GOLGA7B: variants seen among roughly 807,000 people sequenced by gnomAD.
The protein encoded by GOLGA7B is golgin subfamily A member 7B.
A neutral mutation model predicts 21.5 loss-of-function variants in GOLGA7B; 17 were observed. The ratio of observed to expected loss-of-function variants is 0.79; its 90% CI spans 0.54 to 1.19. The LOEUF (loss-of-function observed/expected upper bound fraction) is 1.19, where lower values mean the gene tolerates loss of function less well. Among genes scored for constraint, GOLGA7B ranks in the 50% most tolerant of loss-of-function variants. The pLI, the probability that GOLGA7B is intolerant of heterozygous loss-of-function variation, is 0.00. For missense variants in GOLGA7B, 169 were observed against 224.4 expected (o/e 0.75, Z 1.58); for synonymous variants, 87 against 84.0 (o/e 1.04, Z -0.19).
chr10:97,859,103 G>T (rs945998607), intron 1 of GOLGA7B, among the ~76,000 whole-genome samples: 1 of 152,224 alleles, frequency 6.6e-6, no homozygotes, highest in Non-Finnish European at 1.5e-5. Context: ...ACCCAGGCTG[G>T]AGTGCAGTGG....
chr10:97,857,757 T>C (rs1187975939), intron 1 of GOLGA7B, among the ~76,000 whole-genome samples: 2 of 152,270 alleles, frequency 1.3e-5, no homozygotes, highest in Admixed American at 1.3e-4. Context: ...TACGAGGCTA[T>C]AATAACCAAA....
chr10:97,854,772 TA>T (rs772542289), intron 1 of GOLGA7B, among the ~76,000 whole-genome samples: 4 of 152,180 alleles, frequency 2.6e-5, no homozygotes, highest in Non-Finnish European at 5.9e-5. Flanking sequence ...CTTAATGTAT[TA>T]ATAGCTTAAT....
chr10:97,859,113 G>A (rs2049954710), intron 1 of GOLGA7B, among the ~76,000 whole-genome samples: 1 of 152,224 alleles, frequency 6.6e-6, no homozygotes, highest in Non-Finnish European at 1.5e-5. Flanking sequence ...GAGTGCAGTG[G>A]TGCAATCACA....
At chr10:97,856,047 A>G (rs986988427) in intron 1 of GOLGA7B, among the ~76,000 whole-genome samples, 1 of 152,106 alleles carries the variant, frequency 6.6e-6, no homozygotes, top group Admixed American at 6.5e-5. Flanking sequence ...TTTCCTAGTT[A>G]TTTATTATTT....
chr10:97,870,443 G>A lies in GOLGA7B; in HGVS notation c.*4743G>A, dbSNP rs918897159. The A allele has an allele frequency of 6.6e-6, 1 of 152,128 alleles. No homozygotes were observed. Among genetic ancestry groups the A allele is most frequent in the African/African-American group, 2.4e-5 (1 of 41,408 alleles). The allele number at this position is 152,128 out of a possible 1,614,324, so 9.4% of individuals were successfully genotyped here. A position where few individuals can be genotyped will look rare whatever the true frequency, so the allele number is the denominator to read the frequency against. On this transcript the variant is annotated 3_prime_UTR_variant, in exon 5 of 5. Coordinates refer to ENST00000370602, the MANE Select transcript of GOLGA7B (RefSeq NM_001010917.3). The stretch of plus-strand genomic sequence containing the variant: ...GGAGTCAGGATCAAGATTACCCTGG[G>A]TCGGGGGTAGCGAATGGATGGGGAC...
rs1336737970 is a variant in GOLGA7B at position 97,867,715 on chromosome 10, T to C, written c.*2015T>C. 6.6e-6 allele frequency: 1 copy of C among 151,854 alleles called. No individual in the cohort carries two copies. The highest frequency in any genetic ancestry group is 1.5e-5 in the Non-Finnish European group (1 of 67,964). 9.4% of individuals were successfully genotyped at this position (151,854 alleles called of 1,614,324 possible). A position where few individuals can be genotyped will look rare whatever the true frequency, so the allele number is the denominator to read the frequency against. On this transcript the variant is annotated 3_prime_UTR_variant, in exon 5 of 5. Coordinates refer to ENST00000370602, the MANE Select transcript of GOLGA7B (RefSeq NM_001010917.3). ...AGTGCTATGGCCTTTTTTTTTTTTT[T>C]CTTTTTCCAATAAAAGAACTTGCCC...
At chr10:97,852,083 G>A (rs2049909056) in intron 1 of GOLGA7B, among the ~76,000 whole-genome samples, 1 of 152,230 alleles carries the variant, frequency 6.6e-6, no homozygotes, top group African/African-American at 2.4e-5. Context: ...AGCCAAAGAA[G>A]GCATCATTAT....
intron 4 of GOLGA7B, 21 bp downstream of exon 4, chr10:97,864,290 G>T (rs1322134151): frequency 2.5e-6 from 4 of 1,595,934 alleles, no homozygotes; most frequent in African/African-American, 1.3e-5. Flanking sequence ...GGGCTATTCT[G>T]TGTTGAGGGC....
Position 97,864,189 on chromosome 10 carries a change from T to A in GOLGA7B, c.313T>A (p.Tyr105Asn). 1.2e-6 allele frequency: 2 copies of A among 1,614,188 alleles called. No individual in the cohort carries two copies. Among genetic ancestry groups the A allele is most frequent in the Non-Finnish European group, 1.7e-6 (2 of 1,180,018 alleles). ...YEKVLKKISR[Y>N]IQEQNEKIFA... ...GCAGGTTCTCAAGAAGATTTCCCGC[T>A]ACATCCAGGAGCAGAATGAGAAGAT... Residue 105 changes from tyrosine (Y) to asparagine (N), a missense_variant, in exon 4 of 5, where the codon TAC becomes AAC. Coordinates refer to ENST00000370602, the MANE Select transcript of GOLGA7B (RefSeq NM_001010917.3).
At chr10:97,860,946 A>G (rs1035337492) in intron 2 of GOLGA7B, among the ~76,000 whole-genome samples, 3 of 152,160 alleles carry the variant, frequency 2.0e-5, no homozygotes, top group Non-Finnish European at 4.4e-5. Flanking sequence ...AGACTTGGGC[A>G]TCATAGGGTT....
intron 1 of GOLGA7B, 113 bp downstream of exon 1, chr10:97,850,428 T>TC (rs2049898057): frequency 4.4e-6 from 4 of 900,146 alleles, no homozygotes; most frequent in Middle Eastern, 2.8e-4. Context: ...ATGGGGTGAT[T>TC]CCCCAGGTCA....
Position 97,865,915 on chromosome 10 carries a change from C to A in GOLGA7B, c.*215C>A. Reference sequence around the variant, plus strand: ...CCGTCTGGATCAGTCCATTTCCTGACCTGGGGGCTTTTCCTTCCCGATGGG... The same window carrying A: ...CCGTCTGGATCAGTCCATTTCCTGAACTGGGGGCTTTTCCTTCCCGATGGG... On this transcript the variant is annotated 3_prime_UTR_variant, in exon 5 of 5. Transcript: ENST00000370602. 1 of 735,236 alleles carries A rather than the reference C, an allele frequency of 1.4e-6. No homozygotes were observed. The highest frequency in any genetic ancestry group is 2.9e-5 in the East Asian group (1 of 34,122). 45.5% of individuals were successfully genotyped at this position (735,236 alleles called of 1,614,324 possible).
intron 1 of GOLGA7B, 113 bp downstream of exon 1, chr10:97,850,428 TC>T: frequency 1.1e-6 from 1 of 900,262 alleles, no homozygotes; most frequent in Non-Finnish European, 1.6e-6. Context: ...ATGGGGTGAT[TC>T]CCCAGGTCAG....
At chr10:97,862,029 A>G (rs2136517206) in intron 2 of GOLGA7B, among the ~76,000 whole-genome samples, 1 of 152,320 alleles carries the variant, frequency 6.6e-6, no homozygotes, top group African/African-American at 2.4e-5. Flanking sequence ...GTGAGGAAGA[A>G]GGTACTGTGA....
chr10:97,855,083 T>TG (rs1590158907), intron 1 of GOLGA7B, among the ~76,000 whole-genome samples: 2 of 152,180 alleles, frequency 1.3e-5, no homozygotes, highest in East Asian at 3.8e-4. Context: ...TTAATATAGC[T>TG]GTATGCCTAG....
chr10:97,850,076 C>T lies in GOLGA7B; in HGVS notation c.-228C>T, dbSNP rs2049894498. Among the ~76,000 whole-genome samples, 1 of 149,842 alleles carries T rather than the reference C, an allele frequency of 6.7e-6. No individual in the cohort carries two copies. Among genetic ancestry groups the T allele is most frequent in the South Asian group, 2.1e-4 (1 of 4,824 alleles). ...CGGGCGCGGCCTCGCCTCCCGGGCCCGGCGCCTGCCTCAGCACAGCGGACA... is the reference window on the plus strand; with the variant it reads ...CGGGCGCGGCCTCGCCTCCCGGGCCTGGCGCCTGCCTCAGCACAGCGGACA... On this transcript the variant is annotated 5_prime_UTR_variant, in exon 1 of 5. Coordinates refer to ENST00000370602, the MANE Select transcript of GOLGA7B (RefSeq NM_001010917.3).
In GOLGA7B at chr10:97,865,392, G is replaced by A. The variant is rs1391946484; in HGVS notation, c.394-198G>A. 5.6e-6 allele frequency: 5 copies of A among 887,274 alleles called. No individual in the cohort carries two copies. In the East Asian group the frequency reaches 8.2e-5, roughly 15 times the overall value. The allele number at this position is 887,274 out of a possible 1,614,324, so 55.0% of individuals were successfully genotyped here. ...TGCCCAGCACAGGGCCTGGCCTTAC[G>A]AGTCTCCCTAATTGTTAGCTAAGTA... On this transcript the variant is annotated intron_variant, in intron 4 of 4. Transcript: ENST00000370602.
At chr10:97,858,047 G>T (rs1417317491) in intron 1 of GOLGA7B, among the ~76,000 whole-genome samples, 1 of 152,072 alleles carries the variant, frequency 6.6e-6, no homozygotes, top group Non-Finnish European at 1.5e-5. Flanking sequence ...GCTGAAATCT[G>T]CCTCTAGTAG....
intron 1 of GOLGA7B, among the ~76,000 whole-genome samples, chr10:97,855,743 A>G (rs532946328): frequency 1.7e-4 from 26 of 152,340 alleles, no homozygotes; most frequent in African/African-American, 5.8e-4. Flanking sequence ...ACATGTTAAC[A>G]ATTAACTTAT....
Sources: allele counts gnomAD v4.1 joint callset (sites outside exome capture counted in the v4.1 genomes callset), GRCh38; gene constraint gnomAD v4.1.1; transcripts MANE v1.5; gene names NCBI Gene and HGNC (gene_info 2026-07-23, HGNC 2026-07-21).